The following GET1 variants were observed in gnomAD, a reference collection of about 807,000 sequenced individuals.
The protein encoded by GET1 is guided entry of tail-anchored proteins factor 1, also known as congenital heart disease 5 protein.
Under a neutral mutation model 22.6 loss-of-function variants are expected in GET1, and 20 were observed. The observed-to-expected ratio is 0.89, with a 90% CI of 0.62 to 1.29. The LOEUF (loss-of-function observed/expected upper bound fraction) is 1.29. GET1 is among the 50% of genes most tolerant of loss of function. The pLI is 0.00. For synonymous variants in GET1, 92 were observed against 83.8 expected (o/e 1.10, Z -0.53); for missense variants, 209 against 219.9 (o/e 0.95, Z 0.31).
rs1412446326 is a variant in GET1, at chr21:39,411,902, A to G, written c.*23+965A>G. On this transcript the variant is annotated intron_variant, in intron 1 of 1. Transcript: ENST00000478273. ...TAAATGAGCTCAGTATCCTATGAAT[A>G]AAATCTGTAGATTTTAGAAGAAACA... is the stretch of plus-strand genomic sequence containing the variant. 2.8e-5 allele frequency: 18 copies of G among 642,182 alleles called. 1 individual carries two copies. The highest frequency in any genetic ancestry group is 4.7e-5 in the Non-Finnish European group (17 of 363,422). The allele number at this position is 642,182 out of a possible 1,614,324, so 39.8% of individuals were successfully genotyped here.
chr21:39,422,218 G>C (rs1289213237), intron 1 of GET1: 1 of 152,184 alleles, frequency 6.6e-6, no homozygotes, highest in African/African-American at 2.4e-5. Flanking sequence ...TCGTGTTTCA[G>C]CATCAAATAT....
chr21:39,421,247 G>A (rs2042259476), intron 1 of GET1, among the ~76,000 whole-genome samples: 1 of 152,000 alleles, frequency 6.6e-6, no homozygotes, highest in Admixed American at 6.6e-5. Flanking sequence ...GTTTACAGGT[G>A]CACACCACCA....
chr21:39,414,443 GA>G (rs144705571), intron 1 of GET1, among the ~76,000 whole-genome samples: 2,121 of 152,208 alleles, frequency 0.014, 54 homozygotes, highest in African/African-American at 0.049. Context: ...TCAAAGTAAA[GA>G]AACGAACTTT....
At chr21:39,418,746 C>T (rs959981141) in intron 1 of GET1, among the ~76,000 whole-genome samples, 4 of 152,198 alleles carry the variant, frequency 2.6e-5, no homozygotes, top group Middle Eastern at 3.4e-3. Flanking sequence ...GTGATCTGCC[C>T]GCCTCGGCCT....
chr21:39,380,603 G>T, intron 1 of GET1, 117 bp downstream of exon 1: 4 of 1,494,348 alleles, frequency 2.7e-6, no homozygotes, highest in Non-Finnish European at 3.6e-6. Flanking sequence ...TAGCGTCTTG[G>T]TTGGTCCGTA....
At chr21:39,411,702 A>G in intron 1 of GET1, 2 of 1,291,230 alleles carry the variant, frequency 1.5e-6, no homozygotes, top group Non-Finnish European at 1.1e-6. Context: ...TTTGAGCAAA[A>G]GTAATTAAAA....
intron 1 of GET1, among the ~76,000 whole-genome samples, chr21:39,416,868 T>C (rs755810104): frequency 1.1e-4 from 16 of 152,312 alleles, no homozygotes; most frequent in Admixed American, 5.2e-4. Context: ...TGCAATGACA[T>C]TATGTGTTTT....
At chr21:39,418,348 CAGATAT>C in intron 1 of GET1, among the ~76,000 whole-genome samples, 1 of 152,078 alleles carries the variant, frequency 6.6e-6, no homozygotes, top group Non-Finnish European at 1.5e-5. Context: ...TTGCTGTTTA[CAGATAT>C]ATAGATATCC....
chr21:39,409,168 C>T (rs571952011), downstream of GET1, among the ~76,000 whole-genome samples: 1 of 152,176 alleles, frequency 6.6e-6, no homozygotes, highest in South Asian at 2.1e-4. The surrounding 1 kb of genome is among the most constrained non-coding windows in gnomAD (Gnocchi z 4.2). Context: ...GTGCTCTCTC[C>T]CCGACTCTCC....
At chr21:39,399,685 C>T (rs959656241), downstream of GET1, among the ~76,000 whole-genome samples, 1 of 152,126 alleles carries the variant, frequency 6.6e-6, no homozygotes, top group African/African-American at 2.4e-5. Flanking sequence ...AGGTGATCCA[C>T]CTGCCTCAGG....
chr21:39,393,333 G>A (rs2146982968), intron 4 of GET1, 53 bp downstream of exon 4: 1 of 1,419,480 alleles, frequency 7.0e-7, no homozygotes, highest in Non-Finnish European at 9.9e-7. Flanking sequence ...CTTATGTAGA[G>A]GTGTGTGGTA....
rs2038708753 is a variant in GET1 at position 39,397,159 on chromosome 21, T to G, written c.*220T>G. ...AAGAAAGTCCAGTTTATGACACGTA[T>G]GTACTAGTGAACACCGTCCTCGATC... On this transcript the variant is annotated 3_prime_UTR_variant, in exon 5 of 5. Transcript: ENST00000649170. 8.6e-6 allele frequency: 5 copies of G among 581,008 alleles called. No homozygotes were observed. In the Admixed American group the frequency reaches 1.2e-4, roughly 15 times the overall value. 36.0% of individuals were successfully genotyped at this position (581,008 alleles called of 1,614,324 possible). A position where few individuals can be genotyped will look rare whatever the true frequency, so the allele number is the denominator to read the frequency against.
At chr21:39,394,756 C>T (rs897443731) in intron 4 of GET1, among the ~76,000 whole-genome samples, 3 of 152,172 alleles carry the variant, frequency 2.0e-5, no homozygotes, top group Non-Finnish European at 1.5e-5. Context: ...AATCACCTCC[C>T]ATAAGGCCCC....
intron 1 of GET1, chr21:39,414,249 A>G (rs974720839): frequency 3.4e-4 from 52 of 152,390 alleles, no homozygotes; most frequent in African/African-American, 1.1e-3. Context: ...GTCAGCATTG[A>G]TGGCTTCCGG....
intron 2 of GET1, 193 bp from the exon 3 acceptor site, chr21:39,391,576 C>A: frequency 5.7e-6 from 3 of 529,292 alleles, no homozygotes; most frequent in Non-Finnish European, 9.9e-6. Context: ...GAGTCGGATA[C>A]TATTTTAAAT....
In GET1 at chr21:39,390,902, G is replaced by T. The variant is rs144572409; in HGVS notation, c.268+39G>T. 8 of 1,607,970 alleles carry T rather than the reference G, an allele frequency of 5.0e-6. No homozygotes were observed. In the Admixed American group the frequency reaches 1.3e-4, roughly 27 times the overall value. Reference sequence around the variant, plus strand: ...TGCAGCCTGGAGGCTTCATGAGAGCGGATGAATAGAGAAGTCTGTATGTGA... The same window carrying T: ...TGCAGCCTGGAGGCTTCATGAGAGCTGATGAATAGAGAAGTCTGTATGTGA... On this transcript the variant is annotated intron_variant, in intron 2 of 4. Transcript: ENST00000649170.
chr21:39,393,146 C>T lies in GET1; in HGVS notation c.337-20C>T, dbSNP rs2038416238. ...TGTGTGATTGGCAGGCTGCTTTGCT[C>T]ACCAGAGGTGTCTTTACAGGCTGCC... On this transcript the variant is annotated intron_variant, in intron 3 of 4. Transcript: ENST00000649170. The T allele has an allele frequency of 6.2e-7, 1 of 1,605,168 alleles. No homozygotes were observed. Among genetic ancestry groups the T allele is most frequent in the Non-Finnish European group, 8.5e-7 (1 of 1,172,122 alleles).
chr21:39,409,283 C>T (rs2039661418), downstream of GET1, among the ~76,000 whole-genome samples: 1 of 152,176 alleles, frequency 6.6e-6, no homozygotes, highest in African/African-American at 2.4e-5. The surrounding 1 kb of genome is among the most constrained non-coding windows in gnomAD (Gnocchi z 4.2). Flanking sequence ...GAACCTTGAT[C>T]TCGGACTTCC....
At chr21:39,420,690 G>A (rs781306507) in intron 1 of GET1, 2 of 1,600,036 alleles carry the variant, frequency 1.2e-6, no homozygotes, top group South Asian at 2.2e-5. Flanking sequence ...CTTACATTTT[G>A]TTTTAAAAGA....
Sources: gnomAD v4.1 joint callset for allele counts (sites outside exome capture counted in the v4.1 genomes callset) on GRCh38, gnomAD v4.1.1 for gene constraint, Gnocchi (gnomAD v3.1) non-coding constraint, MANE v1.5 for transcripts, NCBI Gene and HGNC (gene_info 2026-07-23, HGNC 2026-07-21) for gene names.